WWC2: variants seen among roughly 807,000 people sequenced by gnomAD.
WWC2 encodes the protein WW and C2 domain containing 2.
WWC2 carries 101 observed loss-of-function variants against 138.5 expected under a neutral mutation model. The observed-to-expected ratio is 0.73, with a 90% CI of 0.62 to 0.86. WWC2 has a LOEUF of 0.86. Among genes scored for constraint, WWC2 ranks in the 40% least tolerant of loss-of-function variants. The pLI, the probability that WWC2 is intolerant of heterozygous loss-of-function variation, is 0.00. For missense variants in WWC2, 1,420 were observed against 1,419.4 expected, an observed-to-expected ratio of 1.00 and a Z score of -0.01; for synonymous variants, 558 against 538.4, an observed-to-expected ratio of 1.04 and a Z score of -0.50.
chr4:183,220,644 C>T (rs574725041), intron 4 of WWC2, among the ~76,000 whole-genome samples: 8 of 151,768 alleles, frequency 5.3e-5, no homozygotes, highest in South Asian at 2.1e-4. Context: ...ACCATCCTGG[C>T]TAACACAGTG....
intron 21 of WWC2, among the ~76,000 whole-genome samples, chr4:183,310,050 G>A (rs1739157772): frequency 6.6e-6 from 1 of 152,202 alleles, no homozygotes; most frequent in Admixed American, 6.5e-5. Context: ...CAGTGGTTAG[G>A]GGGAAGAGAG....
rs139108987 is a variant in WWC2, at chr4:183,197,871, C to T, written c.241+4163C>T. Among the ~76,000 whole-genome samples, 964 of 152,228 alleles carry T rather than the reference C, an allele frequency of 6.3e-3. 16 individuals are homozygous for T. Among genetic ancestry groups the T allele is most frequent in the African/African-American group, 0.022 (906 of 41,522 alleles). ...CCCGCATCAAGGTACAAACTTTGTC[C>T]GTCACCCTGGTAAGTTCTGTCCTGC... On this transcript the variant is annotated intron_variant, in intron 2 of 22. Coordinates refer to ENST00000403733, the MANE Select transcript of WWC2 (RefSeq NM_024949.6).
At chr4:183,302,645 G>A (rs555417940) in intron 21 of WWC2, among the ~76,000 whole-genome samples, 8 of 152,278 alleles carry the variant, frequency 5.3e-5, no homozygotes, top group Admixed American at 2.6e-4. Flanking sequence ...CCCTGTATTC[G>A]CAGCAGAGAT....
intron 5 of WWC2, among the ~76,000 whole-genome samples, chr4:183,244,569 T>A (rs1736713535): frequency 6.6e-6 from 1 of 150,750 alleles, no homozygotes; most frequent in Non-Finnish European, 1.5e-5. Flanking sequence ...AGAATAAATA[T>A]TATATATATA....
chr4:183,128,215 T>G (rs1305762782), intron 1 of WWC2, among the ~76,000 whole-genome samples: 1 of 152,146 alleles, frequency 6.6e-6, no homozygotes, highest in Non-Finnish European at 1.5e-5. Context: ...GGCACTCACC[T>G]GTAGTGCCAG....
chr4:183,120,557 CATTTA>C (rs1732567075), intron 1 of WWC2, among the ~76,000 whole-genome samples: 1 of 152,120 alleles, frequency 6.6e-6, no homozygotes, highest in Non-Finnish European at 1.5e-5. Flanking sequence ...CTGTTTTACA[CATTTA>C]ATTTAAATGA....
chr4:183,199,508 G>A (rs1051577330), intron 2 of WWC2, among the ~76,000 whole-genome samples: 3 of 152,126 alleles, frequency 2.0e-5, no homozygotes, highest in African/African-American at 4.8e-5. Context: ...GATCATGCCC[G>A]ATTATCTTAT....
chr4:183,295,935 C>G (rs917032683), intron 21 of WWC2, among the ~76,000 whole-genome samples: 1 of 152,186 alleles, frequency 6.6e-6, no homozygotes, highest in African/African-American at 2.4e-5. Context: ...TGTAAGTGAC[C>G]TCTTTGGGAG....
intron 1 of WWC2, among the ~76,000 whole-genome samples, chr4:183,124,270 G>T (rs1732690560): frequency 6.6e-6 from 1 of 152,006 alleles, no homozygotes. Flanking sequence ...AAATTTATTG[G>T]ACAGGATAAT....
At chr4:183,241,306 C>G (rs1736611812) in intron 5 of WWC2, among the ~76,000 whole-genome samples, 1 of 152,204 alleles carries the variant, frequency 6.6e-6, no homozygotes, top group South Asian at 2.1e-4. Context: ...ACCTTCTGCT[C>G]TTATTTGGGA....
intron 2 of WWC2, among the ~76,000 whole-genome samples, chr4:183,205,375 G>T (rs1735420787): frequency 6.6e-6 from 1 of 152,128 alleles, no homozygotes; most frequent in Admixed American, 6.5e-5. Flanking sequence ...TAGATGTGCA[G>T]GTTTATTTTT....
At chr4:183,162,176 T>A (rs1040785066) in intron 1 of WWC2, among the ~76,000 whole-genome samples, 14 of 3,522 alleles carry the variant, frequency 4.0e-3, no homozygotes, top group African/African-American at 4.3e-3. Flanking sequence ...CAAACCCTGT[T>A]CAAACTACCC....
intron 2 of WWC2, among the ~76,000 whole-genome samples, chr4:183,204,422 C>T (rs1171416289): frequency 1.3e-5 from 2 of 152,264 alleles, no homozygotes; most frequent in East Asian, 1.9e-4. Flanking sequence ...AGGTAAAATA[C>T]TTAGAGTCTC....
At chr4:183,303,595 C>A (rs1003262793) in intron 21 of WWC2, among the ~76,000 whole-genome samples, 1 of 152,192 alleles carries the variant, frequency 6.6e-6, no homozygotes, top group Non-Finnish European at 1.5e-5. Context: ...AGCACATTCA[C>A]AATTTAAGCC....
At chr4:183,229,324 T>G (rs1736171514) in intron 4 of WWC2, among the ~76,000 whole-genome samples, 1 of 152,106 alleles carries the variant, frequency 6.6e-6, no homozygotes, top group Non-Finnish European at 1.5e-5. Context: ...TGAGTAAAAC[T>G]TTGAAAAAGA....
chr4:183,308,825 A>G (rs989250461), intron 21 of WWC2, among the ~76,000 whole-genome samples: 1 of 152,224 alleles, frequency 6.6e-6, no homozygotes, highest in Non-Finnish European at 1.5e-5. Flanking sequence ...ATGACAAGGA[A>G]AAACAATGTC....
chr4:183,300,374 G>A (rs1265618929), intron 21 of WWC2, among the ~76,000 whole-genome samples: 1 of 147,714 alleles, frequency 6.8e-6, no homozygotes, highest in African/African-American at 2.5e-5. Context: ...GTGTTTCCCT[G>A]TCAAAATGCC....
At chr4:183,113,346 T>C (rs1732296375) in intron 1 of WWC2, among the ~76,000 whole-genome samples, 1 of 151,720 alleles carries the variant, frequency 6.6e-6, no homozygotes, top group Admixed American at 6.6e-5. Context: ...TTGCTTTCAA[T>C]GCAAAAACCA....
At chr4:183,128,507 C>T (rs1488554238) in intron 1 of WWC2, among the ~76,000 whole-genome samples, 7 of 152,098 alleles carry the variant, frequency 4.6e-5, no homozygotes, top group Admixed American at 3.9e-4. Context: ...AGAGCAAGAT[C>T]CTGTCTTAAA....
Sources: gnomAD v4.1 joint callset for allele counts (sites outside exome capture counted in the v4.1 genomes callset) on GRCh38, gnomAD v4.1.1 for gene constraint, MANE v1.5 for transcripts, NCBI Gene and HGNC (gene_info 2026-07-23, HGNC 2026-07-21) for gene names.